The following RADIL variants were observed in gnomAD, a reference collection of about 807,000 sequenced individuals.
RADIL encodes the protein Rap associating with DIL domain.
In RADIL, 99 loss-of-function variants were observed where a neutral mutation model predicts 97.6. The observed-to-expected ratio is 1.01, with a 90% CI of 0.86 to 1.20. The LOEUF (loss-of-function observed/expected upper bound fraction) is 1.20, where lower values mean the gene tolerates loss of function less well. Ranked by LOEUF, RADIL falls within the 50% of genes most tolerant of loss-of-function variation. The probability of loss-of-function intolerance (pLI) is 0.00; values close to 1 mark genes in which losing one functional copy is unlikely to be tolerated. For missense variants in RADIL, 1,765 were observed against 1,498.9 expected (o/e 1.18, Z -2.93); for synonymous variants, 803 against 691.8 (o/e 1.16, Z -2.52).
Position 4,874,487 on chromosome 7 carries a change from G to A in RADIL, c.535+3118C>T, listed in dbSNP as rs11970897. Reference sequence around the variant, plus strand: ...CTGCTCCATCTCAAACCACCCGGCCGCCTCAGTGAACCTTCTTGGCATGGC... The same window carrying A: ...CTGCTCCATCTCAAACCACCCGGCCACCTCAGTGAACCTTCTTGGCATGGC... On this transcript the variant is annotated intron_variant, in intron 2 of 14. Transcript: ENST00000399583. 7.8e-3 allele frequency among the ~76,000 whole-genome samples: 1,192 copies of A among 152,326 alleles called. 14 individuals carry two copies. The highest frequency in any genetic ancestry group is 0.027 in the African/African-American group (1,140 of 41,580).
At chr7:4,856,678 T>A (rs1489549622) in intron 2 of RADIL, among the ~76,000 whole-genome samples, 2 of 152,246 alleles carry the variant, frequency 1.3e-5, no homozygotes, top group East Asian at 3.8e-4. Flanking sequence ...GTCCTATAAA[T>A]CAGATACTTT....
intron 10 of RADIL, chr7:4,805,216 CCA>C (rs753746671): frequency 6.7e-4 from 202 of 301,582 alleles, no homozygotes; most frequent in Non-Finnish European, 1.0e-3. Flanking sequence ...GGATGCGTCC[CCA>C]CGGCTGTGTA....
In RADIL at chr7:4,836,373, GC is replaced by G. The variant is rs1783299573; in HGVS notation, c.767del (p.Gly256AlafsTer167). ...GGAGGCTCACGTGCTGCTGGCTGTA[GC>G]CCTGCAGAAGGAGCAGATGCGGGGA... ...YQSPHLLLLQ[G>X]YSQQHDSLVY... On this transcript the variant is annotated frameshift_variant, in exon 3 of 15. Transcript: ENST00000399583. LOFTEE classifies it high-confidence loss of function. 6.4e-7 allele frequency: 1 copy of G among 1,573,468 alleles called. No homozygotes were observed. The highest frequency in any genetic ancestry group is 8.6e-7 in the Non-Finnish European group (1 of 1,159,412).
chr7:4,837,728 C>A lies in RADIL; in HGVS notation c.536-1123G>T. 3.1e-6 allele frequency: 2 copies of A among 653,658 alleles called. No individual in the cohort carries two copies. The highest frequency in any genetic ancestry group is 3.8e-6 in the Non-Finnish European group (2 of 527,692). The allele number at this position is 653,658 out of a possible 1,614,324, so 40.5% of individuals were successfully genotyped here. On this transcript the variant is annotated intron_variant, in intron 2 of 14. Transcript: ENST00000399583. This position sits in a 1 kb window ranked among gnomAD's most constrained non-coding sequence, Gnocchi z 5.6. Reference sequence around the variant, plus strand: ...AAACATGCGCACAGTTCAGAGATAACACACACCCTTAGAAGACTTAATATC... The same window carrying A: ...AAACATGCGCACAGTTCAGAGATAAAACACACCCTTAGAAGACTTAATATC...
chr7:4,833,069 G>A (rs957364486), intron 4 of RADIL, among the ~76,000 whole-genome samples: 4 of 152,168 alleles, frequency 2.6e-5, no homozygotes, highest in African/African-American at 9.7e-5. Context: ...TTCAGAGCCT[G>A]TAGCATAGGG....
At chr7:4,836,851 T>C (rs1173132851) in intron 2 of RADIL, among the ~76,000 whole-genome samples, 1 of 152,032 alleles carries the variant, frequency 6.6e-6, no homozygotes, top group Non-Finnish European at 1.5e-5. Context: ...GGCACGAGAA[T>C]GGCTTAAACC....
At position 4,877,767 on chromosome 7, in the gene RADIL, G is replaced by T; in HGVS notation, c.373C>A (p.Arg125=). ...VVGQAGDAGQ[R]WQARCFRVFG... ...ACCCGAAAGCACCGGGCCTGCCACC[G>T]CTGCCCAGCATCGCCGGCTTGGCCC... The change falls in exon 2 of 15, where the codon CGG becomes AGG. Residue 125 remains arginine, a synonymous_variant. Transcript: ENST00000399583. 2 of 1,613,114 alleles carry T rather than the reference G, an allele frequency of 1.2e-6. No individual in the cohort carries two copies. The highest frequency in any genetic ancestry group is 1.7e-6 in the Non-Finnish European group (2 of 1,179,998).
chr7:4,875,216 CA>C lies in RADIL; in HGVS notation c.535+2388del, dbSNP rs1784347104. Among the ~76,000 whole-genome samples the C allele has an allele frequency of 3.8e-5, 5 of 130,394 alleles. No homozygotes were observed. In the East Asian group the frequency reaches 8.0e-4, roughly 21 times the overall value. The allele number at this position is 130,394 out of a possible 152,430, so 85.5% of individuals were successfully genotyped here. On this transcript the variant is annotated intron_variant, in intron 2 of 14. Transcript: ENST00000399583. ...CCAACAACAACAACAACAACAACAA[CA>C]ACAACAACAACAACAACAACAAAAT...
rs920033486 is a variant in RADIL, at chr7:4,834,274, G to C, written c.1416+333C>G. 6.6e-6 allele frequency among the ~76,000 whole-genome samples: 1 copy of C among 152,132 alleles called. No individual in the cohort carries two copies. The highest frequency in any genetic ancestry group is 2.4e-5 in the African/African-American group (1 of 41,428). ...CTCGGCCTCGTGGTGCCCAGGCTCA[G>C]GGGCAGCTCACTCCTGGCACGTGAC... On this transcript the variant is annotated intron_variant, in intron 4 of 14. Transcript: ENST00000399583. This position sits in a 1 kb window ranked among gnomAD's most constrained non-coding sequence, Gnocchi z 6.0.
intron 2 of RADIL, among the ~76,000 whole-genome samples, chr7:4,844,016 G>A (rs561268275): frequency 4.9e-4 from 75 of 152,068 alleles, no homozygotes; most frequent in Admixed American, 3.9e-3. Context: ...ACAATTCTAG[G>A]GAGAATATAT....
chr7:4,849,892 G>A lies in RADIL; in HGVS notation c.536-13287C>T, dbSNP rs1583305883. Among the ~76,000 whole-genome samples, 2 of 152,204 alleles carry A rather than the reference G, an allele frequency of 1.3e-5. No homozygotes were observed. The highest frequency in any genetic ancestry group is 3.9e-4 in the East Asian group (2 of 5,174). ...ATCCTAGGTAATAAGAAAGTATTAT[G>A]TCCTAGTTTAATTGTATTTTTTATG... On this transcript the variant is annotated intron_variant, in intron 2 of 14. Transcript: ENST00000399583. The surrounding 1 kb of genome is among the most constrained non-coding windows in gnomAD (Gnocchi z 5.4).
intron 2 of RADIL, among the ~76,000 whole-genome samples, chr7:4,838,472 G>C (rs756924042): frequency 6.6e-6 from 1 of 152,100 alleles, no homozygotes; most frequent in Admixed American, 6.5e-5. Context: ...CCACAAATGC[G>C]GCACGGGATG....
intron 2 of RADIL, among the ~76,000 whole-genome samples, chr7:4,853,224 G>A (rs1019247731): frequency 1.4e-4 from 21 of 152,240 alleles, no homozygotes; most frequent in African/African-American, 3.6e-4. Context: ...AACCTTGAGC[G>A]TGAGTGGGAA....
Position 4,854,532 on chromosome 7 carries a change from A to G in RADIL, c.536-17927T>C, listed in dbSNP as rs990088556. Among the ~76,000 whole-genome samples the G allele has an allele frequency of 5.9e-5, 9 of 152,156 alleles. No homozygotes were observed. The highest frequency in any genetic ancestry group is 2.2e-4 in the African/African-American group (9 of 41,422). On this transcript the variant is annotated intron_variant, in intron 2 of 14. Transcript: ENST00000399583. The surrounding 1 kb of genome is among the most constrained non-coding windows in gnomAD (Gnocchi z 5.1). ...AATATGGTGAAATCCTGTCTCTACT[A>G]AAAATACAAAAATTAGCTGGGTATG... is the stretch of plus-strand genomic sequence containing the variant.
intron 2 of RADIL, among the ~76,000 whole-genome samples, chr7:4,852,130 G>C (rs965345942): frequency 6.6e-6 from 1 of 152,168 alleles, no homozygotes; most frequent in Non-Finnish European, 1.5e-5. Flanking sequence ...CGGCCCACAG[G>C]CTCTTCAGAA....
Position 4,814,482 on chromosome 7 carries a change from G to T in RADIL, c.2139+796C>A, listed in dbSNP as rs1475552743. Among the ~76,000 whole-genome samples, 1 of 151,956 alleles carries T rather than the reference G, an allele frequency of 6.6e-6. No homozygotes were observed. Among genetic ancestry groups the T allele is most frequent in the African/African-American group, 2.4e-5 (1 of 41,368 alleles). ...AGCATGTTCAGCGTTTTCCAGGCAGGAGAGGAAACCATCGGTCTATTTCCA... is the reference window on the plus strand; with the variant it reads ...AGCATGTTCAGCGTTTTCCAGGCAGTAGAGGAAACCATCGGTCTATTTCCA... On this transcript the variant is annotated intron_variant, in intron 9 of 14. Transcript: ENST00000399583. This position sits in a 1 kb window ranked among gnomAD's most constrained non-coding sequence, Gnocchi z 4.5.
Position 4,834,185 on chromosome 7 carries a change from C to T in RADIL, c.1416+422G>A, listed in dbSNP as rs998865606. On this transcript the variant is annotated intron_variant, in intron 4 of 14. Transcript: ENST00000399583. The surrounding 1 kb of genome is among the most constrained non-coding windows in gnomAD (Gnocchi z 6.0). ...CCGGCCCCTGGCAGCAAGCACAGGG[C>T]GCCGGCACACACAGGGGCTTCTGGG... 6.6e-6 allele frequency among the ~76,000 whole-genome samples: 1 copy of T among 152,178 alleles called. No individual in the cohort carries two copies. The highest frequency in any genetic ancestry group is 1.5e-5 in the Non-Finnish European group (1 of 68,034).
intron 5 of RADIL, 121 bp downstream of exon 5, chr7:4,832,020 G>T: frequency 7.7e-6 from 8 of 1,036,366 alleles, no homozygotes; most frequent in Admixed American, 2.5e-5. Flanking sequence ...TGGATGGAAG[G>T]ACAAAGCCCA....
Position 4,832,316 on chromosome 7 carries a change from A to G in RADIL, c.1417-138T>C, listed in dbSNP as rs556226300. 28 of 825,986 alleles carry G rather than the reference A, an allele frequency of 3.4e-5. No homozygotes were observed. The South Asian group carries it at 4.3e-4, about 13-fold the overall frequency. The allele number at this position is 825,986 out of a possible 1,614,324, so 51.2% of individuals were successfully genotyped here. ...CTGTGTGACGCTGACTATTTATTCA[A>G]GCTGTGCTGGAAAGGACATTTTCCA... On this transcript the variant is annotated intron_variant, in intron 4 of 14. Transcript: ENST00000399583.
Sources: gnomAD v4.1 joint callset for allele counts (sites outside exome capture counted in the v4.1 genomes callset) on GRCh38, gnomAD v4.1.1 for gene constraint, Gnocchi (gnomAD v3.1) non-coding constraint, MANE v1.5 for transcripts, NCBI Gene and HGNC (gene_info 2026-07-23, HGNC 2026-07-21) for gene names.